Variants in PRR15L observed in about 807,000 individuals in gnomAD.
PRR15L encodes proline rich 15 like, also known as proline-rich protein 15-like protein.
A neutral mutation model predicts 3.7 loss-of-function variants in PRR15L; 1 was observed. The ratio of observed to expected loss-of-function variants is 0.27; its 90% CI spans 0.09 to 1.27. The LOEUF is 1.27. Among genes scored for constraint, PRR15L ranks in the 50% most tolerant of loss-of-function variants. PRR15L has a pLI of 0.47. For synonymous variants in PRR15L, 57 were observed against 51.9 expected, an observed-to-expected ratio of 1.10 and a Z score of -0.42; for missense variants, 127 against 128.7, an observed-to-expected ratio of 0.99 and a Z score of 0.06.
Position 47,953,071 on chromosome 17 carries a change from A to T in PRR15L, c.164T>A (p.Leu55Gln). 1 of 1,614,078 alleles carries T rather than the reference A, an allele frequency of 6.2e-7. No individual in the cohort carries two copies. Residue 55 changes from leucine (L) to glutamine (Q), a missense_variant, in exon 2 of 2, where the codon CTG (leucine) becomes CAG (glutamine). Coordinates refer to ENST00000300557, the MANE Select transcript of PRR15L (RefSeq NM_024320.4). ...GGPNSDFNTR[L>Q]EKIVDKSTKG... ...TGTGCTCTTGTCCACAATCTTCTCC[A>T]GGCGGGTGTTAAAGTCGCTGTTGGG...
At chr17:47,953,931 G>T (rs1345409403) in intron 1 of PRR15L, among the ~76,000 whole-genome samples, 6 of 152,196 alleles carry the variant, frequency 3.9e-5, no homozygotes, top group Non-Finnish European at 2.9e-5. Context: ...TGGACAGCTT[G>T]CCTGAGTCAC....
At position 47,953,277 on chromosome 17, in the gene PRR15L, G is replaced by A. The variant is rs755306389; in HGVS notation, c.-29-14C>T. 2 of 1,475,674 alleles carry A rather than the reference G, an allele frequency of 1.4e-6. No individual in the cohort carries two copies. Among genetic ancestry groups the A allele is most frequent in the South Asian group, 2.7e-5 (2 of 74,842 alleles). The allele number at this position is 1,475,674 out of a possible 1,614,324, so 91.4% of individuals were successfully genotyped here. On this transcript the variant is annotated splice_polypyrimidine_tract_variant and intron_variant, in intron 1 of 1. Coordinates refer to ENST00000300557, the MANE Select transcript of PRR15L (RefSeq NM_024320.4). Reference sequence around the variant, plus strand: ...GGATGGGGCTTTCTGCTGGAGCAGGGTGGGGGAGACAAAGGGGTCAGTGGG... The same window carrying A: ...GGATGGGGCTTTCTGCTGGAGCAGGATGGGGGAGACAAAGGGGTCAGTGGG...
rs76075050 is a variant in PRR15L, at chr17:47,952,663, C to T, written c.*260G>A. 431 of 379,508 alleles carry T rather than the reference C, an allele frequency of 1.1e-3. 3 individuals carry two copies. The highest frequency in any genetic ancestry group is 7.8e-3 in the African/African-American group (388 of 49,990). 23.5% of individuals were successfully genotyped at this position (379,508 alleles called of 1,614,324 possible). ...GCCATTGCTTCAAGGAGGGCTGTTC[C>T]TCCTGGGTGAGACTTTTCACTCTTG... On this transcript the variant is annotated 3_prime_UTR_variant, in exon 2 of 2. Transcript: ENST00000300557.
chr17:47,956,705 A>T (rs1233419587), intron 1 of PRR15L, among the ~76,000 whole-genome samples: 1 of 152,248 alleles, frequency 6.6e-6, no homozygotes, highest in African/African-American at 2.4e-5. Flanking sequence ...GTAAAATCTG[A>T]TTTGCTTTAA....
chr17:47,955,996 G>A (rs906373231), intron 1 of PRR15L, among the ~76,000 whole-genome samples: 1 of 152,242 alleles, frequency 6.6e-6, no homozygotes, highest in African/African-American at 2.4e-5. Context: ...GGTATTTCAA[G>A]TTGGCAAACC....
Position 47,957,746 on chromosome 17 carries a change from A to C in PRR15L, c.-119T>G, listed in dbSNP as rs76456167. On this transcript the variant is annotated 5_prime_UTR_variant, in exon 1 of 2. Coordinates refer to ENST00000300557, the MANE Select transcript of PRR15L (RefSeq NM_024320.4). The stretch of plus-strand genomic sequence containing the variant: ...GCTGCCTGGGAGGGTGAGACTCGGG[A>C]AGCAAGTGGTGCCTCCGGGCTGCTG... The C allele has an allele frequency of 0.021, 3,157 of 152,492 alleles. 110 individuals are homozygous for C. The highest frequency in any genetic ancestry group is 0.072 in the African/African-American group (2,986 of 41,510). 9.4% of individuals were successfully genotyped at this position (152,492 alleles called of 1,614,324 possible).
chr17:47,952,577 G>A lies in PRR15L; in HGVS notation c.*346C>T, dbSNP rs1269293323. ...CCCTTGACCCTGTGTCCAGTAAGGA[G>A]GTGAAGTCTGTCTGGCTCACTCTCT... On this transcript the variant is annotated 3_prime_UTR_variant, in exon 2 of 2. Coordinates refer to ENST00000300557, the MANE Select transcript of PRR15L (RefSeq NM_024320.4). 9.1e-6 allele frequency: 2 copies of A among 218,610 alleles called. No homozygotes were observed. Among genetic ancestry groups the A allele is most frequent in the Non-Finnish European group, 1.8e-5 (2 of 112,250 alleles). The allele number at this position is 218,610 out of a possible 1,614,324, so 13.5% of individuals were successfully genotyped here. A position where few individuals can be genotyped will look rare whatever the true frequency, so the allele number is the denominator to read the frequency against.
intron 1 of PRR15L, among the ~76,000 whole-genome samples, chr17:47,956,565 G>C (rs981850480): frequency 2.6e-5 from 4 of 152,190 alleles, no homozygotes; most frequent in Non-Finnish European, 5.9e-5. Flanking sequence ...CAGTAAGCAG[G>C]TGTTTGCCCC....
chr17:47,956,851 T>G (rs1467073593), intron 1 of PRR15L, among the ~76,000 whole-genome samples: 3 of 152,186 alleles, frequency 2.0e-5, no homozygotes, highest in African/African-American at 7.2e-5. Context: ...TGGGGGCAGG[T>G]GCTTGGGACT....
At chr17:47,955,349 G>T (rs1005169080) in intron 1 of PRR15L, among the ~76,000 whole-genome samples, 3 of 151,938 alleles carry the variant, frequency 2.0e-5, no homozygotes, top group Non-Finnish European at 4.4e-5. Flanking sequence ...TCAAATTTAG[G>T]AAAGAGGAGA....
At chr17:47,955,285 G>A (rs555996675) in intron 1 of PRR15L, among the ~76,000 whole-genome samples, 2 of 152,204 alleles carry the variant, frequency 1.3e-5, no homozygotes, top group South Asian at 4.2e-4. Context: ...CTAGTTTTCT[G>A]ATTTCTGGAA....
In PRR15L at chr17:47,952,562, T is replaced by C. The variant is rs895648705; in HGVS notation, c.*361A>G. The C allele has an allele frequency of 2.0e-5, 4 of 202,300 alleles. No individual in the cohort carries two copies. The highest frequency in any genetic ancestry group is 4.0e-5 in the Non-Finnish European group (4 of 99,506). The allele number at this position is 202,300 out of a possible 1,614,324, so 12.5% of individuals were successfully genotyped here. On this transcript the variant is annotated 3_prime_UTR_variant, in exon 2 of 2. Transcript: ENST00000300557. Reference sequence around the variant, plus strand: ...AGCAATTGAAACTCGCCCTTGACCCTGTGTCCAGTAAGGAGGTGAAGTCTG... The same window carrying C: ...AGCAATTGAAACTCGCCCTTGACCCCGTGTCCAGTAAGGAGGTGAAGTCTG...
At chr17:47,956,329 G>A (rs1286660550) in intron 1 of PRR15L, among the ~76,000 whole-genome samples, 4 of 152,180 alleles carry the variant, frequency 2.6e-5, no homozygotes, top group Non-Finnish European at 5.9e-5. Flanking sequence ...AAAATTAGGC[G>A]GATGTTGTGT....
At chr17:47,954,552 C>T (rs182114313) in intron 1 of PRR15L, among the ~76,000 whole-genome samples, 46 of 152,272 alleles carry the variant, frequency 3.0e-4, no homozygotes, top group Admixed American at 6.5e-4. Context: ...GGCCATGTGT[C>T]CTGCCATGGA....
chr17:47,954,009 T>C (rs1447769922), intron 1 of PRR15L, among the ~76,000 whole-genome samples: 2 of 152,248 alleles, frequency 1.3e-5, no homozygotes, highest in African/African-American at 4.8e-5. Flanking sequence ...CTGCCAGGCA[T>C]GGGCAGACCA....
In PRR15L at chr17:47,952,713, CA is replaced by C. The variant is rs1467426006; in HGVS notation, c.*209del. ...GAACTAGAGTGCCTTTGTATGTGGT[CA>C]GGGGGAGGGTGGAGGACCCTGGGAT... On this transcript the variant is annotated 3_prime_UTR_variant, in exon 2 of 2. Transcript: ENST00000300557. 2 of 511,084 alleles carry C rather than the reference CA, an allele frequency of 3.9e-6. No individual in the cohort carries two copies. Among genetic ancestry groups the C allele is most frequent in the Non-Finnish European group, 6.9e-6 (2 of 288,846 alleles). 31.7% of individuals were successfully genotyped at this position (511,084 alleles called of 1,614,324 possible).
In PRR15L at chr17:47,952,288, C is replaced by T. The variant is rs1475859983; in HGVS notation, c.*635G>A. ...GCAAAAGTCATGGCCAAAACAGGAA[C>T]TAACAGGCCAAACTACCATCAATCT... On this transcript the variant is annotated 3_prime_UTR_variant, in exon 2 of 2. Transcript: ENST00000300557. 6.6e-6 allele frequency: 1 copy of T among 152,150 alleles called. No individual in the cohort carries two copies. 9.4% of individuals were successfully genotyped at this position (152,150 alleles called of 1,614,324 possible).
chr17:47,953,656 C>A (rs1444701005), intron 1 of PRR15L, among the ~76,000 whole-genome samples: 87 of 130,006 alleles, frequency 6.7e-4, no homozygotes, highest in Admixed American at 7.6e-4. Flanking sequence ...GAGACTATCT[C>A]AAAAAAAAAA....
rs2036092847 is a variant in PRR15L at position 47,953,306 on chromosome 17, AG to A, written c.-29-44del. 5 of 1,228,662 alleles carry A rather than the reference AG, an allele frequency of 4.1e-6. No homozygotes were observed. In the South Asian group the frequency reaches 5.9e-5, roughly 15 times the overall value. 76.1% of individuals were successfully genotyped at this position (1,228,662 alleles called of 1,614,324 possible). Reference sequence around the variant, plus strand: ...GGGAGACAAAGGGGTCAGTGGGAAAAGGGGGTGGGTGCCTTTGGACCAGCTT... The same window carrying A: ...GGGAGACAAAGGGGTCAGTGGGAAAAGGGGTGGGTGCCTTTGGACCAGCTT... On this transcript the variant is annotated intron_variant, in intron 1 of 1. Transcript: ENST00000300557.
Sources: allele counts gnomAD v4.1 joint callset (sites outside exome capture counted in the v4.1 genomes callset), GRCh38; gene constraint gnomAD v4.1.1; transcripts MANE v1.5; gene names NCBI Gene and HGNC (gene_info 2026-07-23, HGNC 2026-07-21).